Variants in ASTN2 observed in about 807,000 individuals in gnomAD.
ASTN2 encodes the protein astrotactin 2.
In ASTN2, 54 loss-of-function variants were observed where a neutral mutation model predicts 139.8. The observed-to-expected ratio is 0.39, with a 90% CI of 0.31 to 0.48. The LOEUF (loss-of-function observed/expected upper bound fraction) is 0.48, where lower values mean the gene tolerates loss of function less well. Ranked by LOEUF, ASTN2 falls within the 20% of genes least tolerant of loss-of-function variation. ASTN2 has a pLI of 0.95. For missense variants in ASTN2, 1,565 were observed against 1,725.1 expected (o/e 0.91, Z 1.64); for synonymous variants, 756 against 719.5 (o/e 1.05, Z -0.81).
intron 19 of ASTN2, chr9:116,568,850 A>G (rs41266667): frequency 0.16 from 24,209 of 152,202 alleles, 2,097 homozygotes; most frequent in African/African-American, 0.21. Flanking sequence ...CAACAATTGG[A>G]TGGCCTGTTA....
At chr9:116,665,953 AATGAAGTATCAGCC>A (rs1457123844) in intron 16 of ASTN2, among the ~76,000 whole-genome samples, 3 of 152,232 alleles carry the variant, frequency 2.0e-5, no homozygotes, top group Non-Finnish European at 4.4e-5. Context: ...TTGATAAAAG[AATGAAGTATCAGCC>A]ATGCTTTGAA....
intron 11 of ASTN2, among the ~76,000 whole-genome samples, chr9:116,853,854 A>G (rs906351957): frequency 6.6e-6 from 1 of 152,194 alleles, no homozygotes; most frequent in Non-Finnish European, 1.5e-5. Flanking sequence ...GAAACAGCTC[A>G]AAACACAGAA....
intron 19 of ASTN2, among the ~76,000 whole-genome samples, chr9:116,596,825 C>T (rs1854600327): frequency 6.6e-6 from 1 of 152,000 alleles, no homozygotes; most frequent in Non-Finnish European, 1.5e-5. Flanking sequence ...CGTGCTTAAT[C>T]CCATTAACTC....
chr9:116,630,112 G>T (rs1473760519), intron 17 of ASTN2, among the ~76,000 whole-genome samples: 2 of 152,182 alleles, frequency 1.3e-5, no homozygotes, highest in Non-Finnish European at 2.9e-5. Flanking sequence ...GAAATGACAT[G>T]CAGGGATTCA....
At chr9:116,604,122 T>C (rs1389937387) in intron 19 of ASTN2, among the ~76,000 whole-genome samples, 1 of 152,168 alleles carries the variant, frequency 6.6e-6, no homozygotes, top group Non-Finnish European at 1.5e-5. Flanking sequence ...GCAAGTTCCA[T>C]GAGGGCAGGA....
At chr9:117,310,027 GA>G (rs370347371) in intron 1 of ASTN2, among the ~76,000 whole-genome samples, 1 of 152,238 alleles carries the variant, frequency 6.6e-6, no homozygotes, top group African/African-American at 2.4e-5. Flanking sequence ...TTCATCTCTG[GA>G]ATGGGGTAAA....
chr9:117,320,733 T>C (rs1462647606), intron 1 of ASTN2, among the ~76,000 whole-genome samples: 4 of 152,146 alleles, frequency 2.6e-5, no homozygotes, highest in African/African-American at 7.2e-5. Flanking sequence ...GCCTCTCTCA[T>C]AGCCCTTTGA....
chr9:117,008,075 C>A lies in ASTN2; in HGVS notation c.1591+17G>T, dbSNP rs140518964. The stretch of plus-strand genomic sequence containing the variant: ...CCTCTCCCACCTTCTATCCCCATCC[C>A]GGCTCCCATGGCTCACCGGTTTCTG... On this transcript the variant is annotated intron_variant, in intron 7 of 22. Transcript: ENST00000313400. 8 of 1,566,500 alleles carry A rather than the reference C, an allele frequency of 5.1e-6. No individual in the cohort carries two copies. In the Admixed American group the frequency reaches 7.3e-5, roughly 14 times the overall value.
intron 3 of ASTN2, chr9:117,181,253 C>T (rs1831058294): frequency 3.8e-6 from 2 of 520,826 alleles, no homozygotes; most frequent in Admixed American, 3.3e-5. Flanking sequence ...GCTGAGAATG[C>T]TCACATAACT....
intron 2 of ASTN2, among the ~76,000 whole-genome samples, chr9:117,263,152 G>T (rs1014164926): frequency 6.6e-6 from 1 of 152,060 alleles, no homozygotes; most frequent in African/African-American, 2.4e-5. Context: ...ATTATAGTTC[G>T]CCCAGATACT....
At chr9:116,802,779 C>T (rs138906494) in intron 13 of ASTN2, among the ~76,000 whole-genome samples, 37 of 152,314 alleles carry the variant, frequency 2.4e-4, no homozygotes, top group African/African-American at 7.9e-4. Context: ...ATGGGTGGGG[C>T]TGGGATTTGA....
chr9:117,349,868 T>A (rs769353340), intron 1 of ASTN2, among the ~76,000 whole-genome samples: 7 of 152,116 alleles, frequency 4.6e-5, no homozygotes, highest in African/African-American at 1.2e-4. Context: ...ACTGTTAAGA[T>A]AATTTTTAAA....
intron 1 of ASTN2, among the ~76,000 whole-genome samples, chr9:117,341,543 T>A (rs1426438000): frequency 6.6e-6 from 1 of 152,174 alleles, no homozygotes; most frequent in Non-Finnish European, 1.5e-5. Context: ...CAAAGAAGGA[T>A]CTTTGTATTC....
At chr9:117,319,087 T>C (rs1828237453) in intron 1 of ASTN2, among the ~76,000 whole-genome samples, 1 of 152,246 alleles carries the variant, frequency 6.6e-6, no homozygotes, top group Admixed American at 6.5e-5. Flanking sequence ...GAACCATTTA[T>C]TCCGATAAGA....
intron 4 of ASTN2, among the ~76,000 whole-genome samples, chr9:117,104,134 C>T (rs57376293): frequency 0.058 from 8,875 of 152,206 alleles, 553 homozygotes; most frequent in East Asian, 0.18. Flanking sequence ...GAAATTTCTG[C>T]GGCATTCTTG....
intron 19 of ASTN2, among the ~76,000 whole-genome samples, chr9:116,606,697 T>C (rs1764777414): frequency 6.6e-6 from 1 of 152,190 alleles, no homozygotes; most frequent in African/African-American, 2.4e-5. Flanking sequence ...ATTTTTTTTT[T>C]TTAATTCATG....
intron 10 of ASTN2, among the ~76,000 whole-genome samples, chr9:116,941,964 G>T (rs1395515185): frequency 7.1e-6 from 1 of 141,358 alleles, no homozygotes; most frequent in Non-Finnish European, 1.5e-5. Context: ...CTTTGCTACT[G>T]AAAGGCCCTG....
At chr9:117,273,408 T>G (rs1490299336) in intron 2 of ASTN2, among the ~76,000 whole-genome samples, 3 of 152,146 alleles carry the variant, frequency 2.0e-5, no homozygotes, top group African/African-American at 7.2e-5. Context: ...GAGTTTTCCC[T>G]CCTGAACCTC....
intron 1 of ASTN2, among the ~76,000 whole-genome samples, chr9:117,364,602 A>G (rs917580888): frequency 1.2e-4 from 18 of 152,136 alleles, no homozygotes; most frequent in African/African-American, 4.3e-4. Context: ...TTTAAAATGA[A>G]GTTGTGGCAT....
Sources: gnomAD v4.1 joint callset for allele counts (sites outside exome capture counted in the v4.1 genomes callset) on GRCh38, gnomAD v4.1.1 for gene constraint, MANE v1.5 for transcripts, NCBI Gene and HGNC (gene_info 2026-07-23, HGNC 2026-07-21) for gene names.